The following NAV2 variants were observed in gnomAD, a reference collection of about 807,000 sequenced individuals.
The protein encoded by NAV2 is neuron navigator 2, also known as helicase, APC down-regulated 1.
In NAV2, 54 loss-of-function variants were observed where a neutral mutation model predicts 223.2. The ratio of observed to expected loss-of-function variants is 0.24; its 90% CI spans 0.19 to 0.30. NAV2 has a LOEUF of 0.30. Among genes scored for constraint, NAV2 ranks in the 10% least tolerant of loss-of-function variants. The pLI is 1.00. For synonymous variants in NAV2, 1,279 were observed against 1,239.3 expected (o/e 1.03, Z -0.67); for missense variants, 2,806 against 3,147.5 (o/e 0.89, Z 2.60).
Position 19,946,475 on chromosome 11 carries a change from A to G in NAV2, c.2221A>G (p.Met741Val). 2 of 1,613,796 alleles carry G rather than the reference A, an allele frequency of 1.2e-6. No homozygotes were observed. The highest frequency in any genetic ancestry group is 8.5e-7 in the Non-Finnish European group (1 of 1,179,886). Residue 741 changes from methionine to valine, a missense_variant, in exon 9 of 38, where the codon ATG (methionine) becomes GTG (valine). By Grantham distance (21) the Met-to-Val change is conservative. This residue lies in a region of NAV2 where 1,167 missense variants were observed against 1,180.5 expected (regional missense o/e 0.99). Transcript: ENST00000349880. The part of the protein sequence containing the change: ...ADLRQNLEET[M>V]SSLRGTQVTH... ...TCTGCGGCAGAATTTGGAGGAAACC[A>G]TGTCCAGTTTAAGGGGAACTCAGGT... is the stretch of plus-strand genomic sequence containing the variant.
chr11:19,903,599 T>C (rs978001021), intron 6 of NAV2, among the ~76,000 whole-genome samples: 1 of 151,062 alleles, frequency 6.6e-6, no homozygotes, highest in Non-Finnish European at 1.5e-5. Context: ...GTGGGAAATC[T>C]AAATGTGGAG....
rs147604281 is a variant in NAV2 at position 19,933,776 on chromosome 11, C to T, written c.1532C>T (p.Thr511Met). Residue 511 changes from threonine to methionine, a missense_variant, in exon 7 of 38, where the codon ACG becomes ATG. By Grantham distance (81) the Thr-to-Met change is moderately conservative (BLOSUM62 -1). This residue lies in a region of NAV2 where 1,167 missense variants were observed against 1,180.5 expected (regional missense o/e 0.99). Transcript: ENST00000349880. The surrounding 1 kb of genome is among the most constrained non-coding windows in gnomAD (Gnocchi z 4.3). ...GACCTTGCCAAGAGAGCCTCTGTGA[C>T]GGAGAGGCTGGACCTCAAGGAGGAG... The part of the protein sequence containing the change: ...SKDLAKRASV[T>M]ERLDLKEEPK... The T allele has an allele frequency of 0.012, 18,582 of 1,614,156 alleles. 128 individuals carry two copies. Among genetic ancestry groups the T allele is most frequent in the Non-Finnish European group, 0.013 (15,193 of 1,180,026 alleles).
chr11:20,060,432 A>C (rs1200993531), intron 19 of NAV2, among the ~76,000 whole-genome samples: 5 of 152,256 alleles, frequency 3.3e-5, no homozygotes, highest in Non-Finnish European at 7.3e-5. Context: ...ACTGAAAGCC[A>C]TTATTGGCCA....
At chr11:19,452,487 A>G (rs1851824037) in intron 1 of NAV2, among the ~76,000 whole-genome samples, 1 of 152,062 alleles carries the variant, frequency 6.6e-6, no homozygotes, top group African/African-American at 2.4e-5. Flanking sequence ...TGGGTGAGAA[A>G]TCCTCCTCTC....
intron 3 of NAV2, among the ~76,000 whole-genome samples, chr11:19,843,760 A>C (rs2060633652): frequency 6.1e-5 from 1 of 16,310 alleles, no homozygotes. Flanking sequence ...CAGAAATCTA[A>C]AAAAAAAAAA....
At chr11:19,432,286 T>G (rs1487761643) in intron 1 of NAV2, among the ~76,000 whole-genome samples, 1 of 152,178 alleles carries the variant, frequency 6.6e-6, no homozygotes, top group Non-Finnish European at 1.5e-5. Context: ...AAATTGCCAC[T>G]TTCCTCTCCT....
intron 1 of NAV2, among the ~76,000 whole-genome samples, chr11:19,406,586 T>A (rs1055757748): frequency 2.0e-5 from 3 of 152,094 alleles, no homozygotes; most frequent in African/African-American, 7.2e-5. Flanking sequence ...AAGTTATACA[T>A]TCCCTTGAGA....
chr11:20,103,437 C>A, intron 33 of NAV2, 28 bp downstream of exon 33: 1 of 1,604,770 alleles, frequency 6.2e-7, no homozygotes, highest in South Asian at 1.1e-5. Context: ...ACCTCATAGC[C>A]CCCCGGGAGA....
At chr11:19,437,389 C>A (rs146081360) in intron 1 of NAV2, among the ~76,000 whole-genome samples, 2,399 of 152,200 alleles carry the variant, frequency 0.016, 52 homozygotes, top group African/African-American at 0.055. Context: ...TCCTATCAAT[C>A]AGATTAAACC....
intron 1 of NAV2, among the ~76,000 whole-genome samples, chr11:19,662,355 C>T (rs2048307273): frequency 6.6e-6 from 1 of 152,232 alleles, no homozygotes; most frequent in African/African-American, 2.4e-5. Context: ...ACTGAAGCAG[C>T]TGCCTACCCA....
chr11:19,539,714 C>T lies in NAV2; in HGVS notation c.75+188687C>T, dbSNP rs949449847. Among the ~76,000 whole-genome samples, 6 of 152,142 alleles carry T rather than the reference C, an allele frequency of 3.9e-5. No individual in the cohort carries two copies. The South Asian group carries it at 6.2e-4, about 16-fold the overall frequency. On this transcript the variant is annotated intron_variant, in intron 1 of 37. Coordinates refer to the NAV2 transcript ENST00000360655. ...ATCAGCTGCCATTTTGATTCAAGAT[C>T]GAATGTCATGGACATTTTGAAGCCT...
chr11:20,023,098 T>A (rs1319335907), intron 11 of NAV2: 2 of 1,551,698 alleles, frequency 1.3e-6, no homozygotes, highest in Admixed American at 2.0e-5. Flanking sequence ...AGGGCCGCAA[T>A]GTAGTGAAAT....
chr11:19,660,822 TCTAA>T (rs2048256444), intron 1 of NAV2, among the ~76,000 whole-genome samples: 1 of 152,194 alleles, frequency 6.6e-6, no homozygotes. Context: ...GAGTTGTCCT[TCTAA>T]CTATAGTAGT....
intron 1 of NAV2, among the ~76,000 whole-genome samples, chr11:19,672,012 C>T (rs760702633): frequency 7.2e-5 from 11 of 152,264 alleles, no homozygotes; most frequent in South Asian, 2.1e-4. Context: ...TGCCACCAAG[C>T]GCTGTGGGAA....
Position 19,745,666 on chromosome 11 carries a change from C to T in NAV2, c.267+31704C>T, listed in dbSNP as rs375126961. Among the ~76,000 whole-genome samples the T allele has an allele frequency of 3.9e-5, 6 of 152,118 alleles. No homozygotes were observed. In the East Asian group the frequency reaches 7.7e-4, roughly 20 times the overall value. The stretch of plus-strand genomic sequence containing the variant: ...TGGACAGAGATGCAGGATATGGTTT[C>T]GGGATGAAACTTTTGCACCTCAGAT... On this transcript the variant is annotated intron_variant, in intron 1 of 37. Coordinates refer to ENST00000349880, the MANE Select transcript of NAV2 (RefSeq NM_145117.5).
At chr11:19,350,181 G>C (rs1232699247), upstream of NAV2, among the ~76,000 whole-genome samples, 2 of 152,024 alleles carry the variant, frequency 1.3e-5, 1 homozygote, top group Non-Finnish European at 2.9e-5. Context: ...TTTCCAGAAC[G>C]TGAGAAGTGG....
intron 10 of NAV2, among the ~76,000 whole-genome samples, chr11:19,955,580 C>T (rs868281): frequency 0.57 from 86,717 of 151,968 alleles, 26,217 homozygotes; most frequent in South Asian, 0.66. Flanking sequence ...ATTGTCAATA[C>T]AAGAAAAAGA....
At chr11:19,921,151 G>A (rs1446751223) in intron 6 of NAV2, among the ~76,000 whole-genome samples, 2 of 152,172 alleles carry the variant, frequency 1.3e-5, no homozygotes, top group South Asian at 2.1e-4. Flanking sequence ...AGTCACATCC[G>A]TGAAGCCCTG....
intron 36 of NAV2, among the ~76,000 whole-genome samples, chr11:20,108,711 C>G (rs2062376498): frequency 6.6e-6 from 1 of 151,922 alleles, no homozygotes; most frequent in African/African-American, 2.4e-5. Context: ...CTTGGCCTCC[C>G]AAAGTACTGG....
Sources: allele counts gnomAD v4.1 joint callset (sites outside exome capture counted in the v4.1 genomes callset), GRCh38; gene constraint gnomAD v4.1.1; regional missense constraint gnomAD v4.1.1; non-coding constraint Gnocchi (gnomAD v3.1); transcripts MANE v1.5; gene names NCBI Gene and HGNC (gene_info 2026-07-23, HGNC 2026-07-21).